Variants in MACF1 observed in about 807,000 individuals in gnomAD.
MACF1 encodes microtubule actin crosslinking factor 1.
MACF1 carries 193 observed loss-of-function variants against 854.8 expected under a neutral mutation model. The ratio of observed to expected loss-of-function variants is 0.23; its 90% CI spans 0.20 to 0.25. The LOEUF (loss-of-function observed/expected upper bound fraction) is 0.25. Ranked by LOEUF, MACF1 falls within the 10% of genes least tolerant of loss-of-function variation. The pLI, the probability that MACF1 is intolerant of heterozygous loss-of-function variation, is 1.00. For synonymous variants in MACF1, 3,185 were observed against 3,226.7 expected (o/e 0.99, Z 0.44); for missense variants, 7,722 against 8,929.1 (o/e 0.86, Z 5.45).
intron 2 of MACF1, among the ~76,000 whole-genome samples, chr1:39,195,967 T>A (rs1644314400): frequency 6.6e-6 from 1 of 152,184 alleles, no homozygotes; most frequent in Non-Finnish European, 1.5e-5. Context: ...ATATTCATAG[T>A]CTTTGTGGTC....
chr1:39,437,581 G>A (rs947869538), intron 70 of MACF1, 196 bp from the exon 71 acceptor site: 13 of 560,024 alleles, frequency 2.3e-5, no homozygotes, highest in Non-Finnish European at 4.1e-5. Context: ...CAAAGTGCTG[G>A]GATTACAGGT....
chr1:39,248,137 C>T (rs952708253), intron 2 of MACF1, among the ~76,000 whole-genome samples: 3 of 152,162 alleles, frequency 2.0e-5, no homozygotes, highest in African/African-American at 7.2e-5. Context: ...CATACATACA[C>T]ACATACCTTG....
chr1:39,264,966 G>A (rs538167352), intron 6 of MACF1, among the ~76,000 whole-genome samples: 8 of 152,182 alleles, frequency 5.3e-5, no homozygotes, highest in East Asian at 1.9e-4. Flanking sequence ...GAGCCACCGC[G>A]CCCGGCCAGG....
At chr1:39,459,319 G>T in intron 91 of MACF1, 70 bp downstream of exon 91, 1 of 1,485,628 alleles carries the variant, frequency 6.7e-7, no homozygotes, top group East Asian at 2.3e-5. Flanking sequence ...CCCTTCTGAG[G>T]CTCTCTTAAT....
chr1:39,367,901 C>T (rs553403708), intron 49 of MACF1, among the ~76,000 whole-genome samples: 1 of 148,962 alleles, frequency 6.7e-6, no homozygotes, highest in Non-Finnish European at 1.5e-5. Flanking sequence ...ACCCAGGAGG[C>T]GGAAGTTGCA....
intron 58 of MACF1, among the ~76,000 whole-genome samples, chr1:39,421,274 G>A (rs1193524579): frequency 1.3e-5 from 2 of 152,144 alleles, no homozygotes; most frequent in East Asian, 3.8e-4. Flanking sequence ...AAATATACAC[G>A]TTGCTTGTTA....
upstream of MACF1, among the ~76,000 whole-genome samples, chr1:39,202,776 T>TGTAA (rs1407563300): frequency 6.6e-6 from 1 of 152,210 alleles, no homozygotes; most frequent in East Asian, 1.9e-4. Flanking sequence ...CCTACTAGTA[T>TGTAA]GTAAGTTCTG....
chr1:39,287,402 A>G lies in MACF1; in HGVS notation c.1625A>G (p.His542Arg). Residue 542 changes from histidine (H) to arginine (R), a missense_variant, in exon 15 of 101, where the codon CAT (histidine) becomes CGT (arginine). His to Arg is a conservative substitution (Grantham distance 29). Coordinates refer to ENST00000564288, the MANE Select transcript of MACF1 (RefSeq NM_001394062.1). ...CCACCCTCTACTTTAACCACCACTCATCTGAAAGCAGAACCCTTAACCAAG... is the reference window on the plus strand; with the variant it reads ...CCACCCTCTACTTTAACCACCACTCGTCTGAAAGCAGAACCCTTAACCAAG... ...LVPPSTLTTT[H>R]LKAEPLTKAT... 1 of 1,614,112 alleles carries G rather than the reference A, an allele frequency of 6.2e-7. No individual in the cohort carries two copies.
At chr1:39,159,921 C>T (rs1464943288) in intron 2 of MACF1, among the ~76,000 whole-genome samples, 1 of 152,102 alleles carries the variant, frequency 6.6e-6, no homozygotes, top group East Asian at 1.9e-4. Context: ...GAGATCTGTA[C>T]TCCCTTCTTG....
chr1:39,111,779 G>A (rs1430016884), intron 2 of MACF1, among the ~76,000 whole-genome samples: 1 of 152,128 alleles, frequency 6.6e-6, no homozygotes, highest in African/African-American at 2.4e-5. Context: ...CTCCCAAAAC[G>A]CTGGGATTTC....
At chr1:39,408,515 C>G (rs1642804193) in intron 58 of MACF1, among the ~76,000 whole-genome samples, 1 of 152,164 alleles carries the variant, frequency 6.6e-6, no homozygotes, top group Admixed American at 6.5e-5. Context: ...GCCGGCGCGA[C>G]CTGCCGGCAC....
At chr1:39,439,079 G>T (rs1174492551) in intron 71 of MACF1, among the ~76,000 whole-genome samples, 195 bp from the exon 72 acceptor site, 4 of 143,248 alleles carry the variant, frequency 2.8e-5, no homozygotes, top group Admixed American at 7.0e-5. Flanking sequence ...GCAAGACTCT[G>T]TCTCCAAAAA....
intron 2 of MACF1, among the ~76,000 whole-genome samples, chr1:39,110,558 C>G (rs140871807): frequency 4.5e-4 from 68 of 152,174 alleles, no homozygotes; most frequent in Non-Finnish European, 6.8e-4. Context: ...TTTTAAGTTC[C>G]TTTTTAGATC....
intron 2 of MACF1, among the ~76,000 whole-genome samples, chr1:39,113,844 TG>T (rs1283799641): frequency 1.3e-5 from 2 of 152,108 alleles, no homozygotes; most frequent in East Asian, 3.9e-4. Flanking sequence ...GAGACCAGCC[TG>T]GCCAACTTGG....
intron 2 of MACF1, among the ~76,000 whole-genome samples, chr1:39,148,527 A>G (rs1368712130): frequency 1.3e-5 from 2 of 152,218 alleles, no homozygotes; most frequent in Non-Finnish European, 2.9e-5. Flanking sequence ...TTTCATGTGC[A>G]AATATGCATG....
At chr1:39,103,009 T>C (rs1642132587) in intron 2 of MACF1, 1 of 697,322 alleles carries the variant, frequency 1.4e-6, no homozygotes, top group Non-Finnish European at 2.6e-6. Context: ...TTTCCATTCA[T>C]TAGAAGAATG....
intron 58 of MACF1, among the ~76,000 whole-genome samples, chr1:39,389,864 A>G (rs1294617027): frequency 6.6e-6 from 1 of 152,244 alleles, no homozygotes; most frequent in Non-Finnish European, 1.5e-5. Context: ...GCAGCTTAAT[A>G]ATACATCCCA....
chr1:39,412,624 C>A, intron 58 of MACF1: 1 of 1,613,990 alleles, frequency 6.2e-7, no homozygotes, highest in East Asian at 2.2e-5. Context: ...AAAGCCTGAG[C>A]TGAATGTGGC....
chr1:39,357,812 C>G lies in MACF1; in HGVS notation c.11862C>G (p.Gly3954=), dbSNP rs1271921144. 1 of 1,613,996 alleles carries G rather than the reference C, an allele frequency of 6.2e-7. No individual in the cohort carries two copies. Among genetic ancestry groups the G allele is most frequent in the Non-Finnish European group, 8.5e-7 (1 of 1,179,972 alleles). ...VLDMENSFKE[G]KEPSEIGNLV... ...ACATGGAAAACAGTTTTAAGGAAGG[C>G]AAAGAACCATCAGAAATTGGAAACT... is the stretch of plus-strand genomic sequence containing the variant. The change falls in exon 45 of 101, where the codon GGC becomes GGG. Residue 3954 remains glycine (G), a synonymous_variant. Coordinates refer to ENST00000564288, the MANE Select transcript of MACF1 (RefSeq NM_001394062.1).
Sources: allele counts gnomAD v4.1 joint callset (sites outside exome capture counted in the v4.1 genomes callset), GRCh38; gene constraint gnomAD v4.1.1; transcripts MANE v1.5; gene names NCBI Gene and HGNC (gene_info 2026-07-23, HGNC 2026-07-21).